The following ADGB variants were observed in gnomAD, a reference collection of about 807,000 sequenced individuals.
The protein encoded by ADGB is calpain-7-like protein.
A neutral mutation model predicts 210.5 loss-of-function variants in ADGB; 172 were observed. The ratio of observed to expected loss-of-function variants is 0.82; its 90% CI spans 0.72 to 0.93. The LOEUF (loss-of-function observed/expected upper bound fraction) is 0.93, where lower values mean the gene tolerates loss of function less well. Among genes scored for constraint, ADGB ranks in the 40% least tolerant of loss-of-function variants. The probability of loss-of-function intolerance (pLI) is 0.00; values close to 1 mark genes in which losing one functional copy is unlikely to be tolerated. For synonymous variants in ADGB, 658 were observed against 662.7 expected (o/e 0.99, Z 0.11); for missense variants, 2,025 against 1,964.8 (o/e 1.03, Z -0.58).
intron 9 of ADGB, 90 bp from the exon 10 acceptor site, chr6:146,685,644 T>C (rs1776221550): frequency 1.7e-6 from 1 of 587,478 alleles, no homozygotes; most frequent in Admixed American, 4.2e-5. Flanking sequence ...GAAGATAAAT[T>C]CATTAAGGCA....
chr6:146,664,390 A>T, intron 6 of ADGB, 50 bp downstream of exon 6: 1 of 1,496,382 alleles, frequency 6.7e-7, no homozygotes, highest in East Asian at 2.5e-5. Context: ...AAACAAAAAC[A>T]TTAACTATAC....
chr6:146,717,086 G>A lies in ADGB; in HGVS notation c.1928+17G>A, dbSNP rs1204632526. On this transcript the variant is annotated intron_variant, in intron 15 of 35. Coordinates refer to ENST00000397944, the MANE Select transcript of ADGB (RefSeq NM_024694.4). ...ATGCTTTCAGTAAGTATACCAATGGGATCAATCTGACTATGTCGTAGTGGT... is the reference window on the plus strand; with the variant it reads ...ATGCTTTCAGTAAGTATACCAATGGAATCAATCTGACTATGTCGTAGTGGT... 6.5e-7 allele frequency: 1 copy of A among 1,538,416 alleles called. No homozygotes were observed.
intron 4 of ADGB, among the ~76,000 whole-genome samples, chr6:146,654,530 T>G (rs1583576480): frequency 6.6e-6 from 1 of 152,036 alleles, no homozygotes. Flanking sequence ...TTTTAAATTT[T>G]TTGGTAGAGA....
At chr6:146,686,854 T>C (rs1224378750) in intron 10 of ADGB, among the ~76,000 whole-genome samples, 3 of 152,126 alleles carry the variant, frequency 2.0e-5, no homozygotes, top group Non-Finnish European at 4.4e-5. Context: ...TGAATGTTCA[T>C]TTAGTTAGCT....
chr6:146,750,049 G>A (rs60942367), intron 26 of ADGB, among the ~76,000 whole-genome samples: 12,810 of 152,116 alleles, frequency 0.084, 1,778 homozygotes, highest in African/African-American at 0.29. Context: ...GAGTAGGCAC[G>A]TGGAAGGTGG....
intron 35 of ADGB, among the ~76,000 whole-genome samples, chr6:146,811,911 T>C (rs1379903263): frequency 6.6e-6 from 1 of 152,160 alleles, no homozygotes; most frequent in Non-Finnish European, 1.5e-5. Context: ...CCTGACCTCA[T>C]GATCCGCCTG....
chr6:146,644,835 G>A lies in ADGB; in HGVS notation c.300G>A (p.Trp100Ter). The change falls in exon 3 of 36, where the codon TGG becomes TGA. Residue 100 changes from tryptophan to a stop codon, truncating the protein, a stop_gained. Transcript: ENST00000397944. LOFTEE classifies it high-confidence loss of function. ...CACCATCCTTGAAAATTTATTCCTGGAAACGTCCACAAGATATTTTATTTA... is the reference window on the plus strand; with the variant it reads ...CACCATCCTTGAAAATTTATTCCTGAAAACGTCCACAAGATATTTTATTTA... ...ELPPSLKIYSWKRPQDILFSQ... is the reference protein window; with the variant it reads ...ELPPSLKIYS 6.7e-7 allele frequency: 1 copy of A among 1,489,888 alleles called. No individual in the cohort carries two copies. The allele number at this position is 1,489,888 out of a possible 1,614,324, so 92.3% of individuals were successfully genotyped here.
intron 25 of ADGB, among the ~76,000 whole-genome samples, chr6:146,741,812 T>C (rs978087762): frequency 6.6e-6 from 1 of 152,200 alleles, no homozygotes; most frequent in African/African-American, 2.4e-5. Flanking sequence ...ACCACATTGC[T>C]TCTCTGTTTA....
intron 1 of ADGB, among the ~76,000 whole-genome samples, chr6:146,616,403 A>T (rs1364615182): frequency 3.3e-5 from 5 of 151,476 alleles, no homozygotes; most frequent in African/African-American, 1.2e-4. Flanking sequence ...GTTTTCTTGT[A>T]CTGTGCAGCA....
intron 8 of ADGB, among the ~76,000 whole-genome samples, chr6:146,675,608 T>C (rs1401421729): frequency 6.6e-6 from 1 of 152,170 alleles, no homozygotes; most frequent in Non-Finnish European, 1.5e-5. Flanking sequence ...ATTACAAACT[T>C]AGCAGATGAT....
intron 26 of ADGB, among the ~76,000 whole-genome samples, chr6:146,747,450 T>G (rs1284567928): frequency 2.0e-5 from 3 of 152,034 alleles, no homozygotes; most frequent in Non-Finnish European, 2.9e-5. Context: ...TCAAGCTGAG[T>G]GGTGAGGAAG....
intron 1 of ADGB, among the ~76,000 whole-genome samples, chr6:146,630,482 A>C (rs1175499055): frequency 1.3e-5 from 2 of 151,714 alleles, no homozygotes; most frequent in Admixed American, 6.6e-5. Flanking sequence ...TTGAGGTAGG[A>C]GCATCATTTG....
At chr6:146,730,591 T>C (rs910543536) in intron 20 of ADGB, among the ~76,000 whole-genome samples, 2 of 152,188 alleles carry the variant, frequency 1.3e-5, no homozygotes, top group African/African-American at 4.8e-5. Context: ...TACCTACCAA[T>C]GGTAGTCTCC....
At chr6:146,669,655 G>T (rs1775980053) in intron 7 of ADGB, among the ~76,000 whole-genome samples, 1 of 151,992 alleles carries the variant, frequency 6.6e-6, no homozygotes, top group African/African-American at 2.4e-5. Context: ...TCTTTCTCAG[G>T]CTTCTTGGAT....
chr6:146,701,554 G>A (rs982466364), intron 13 of ADGB, among the ~76,000 whole-genome samples: 1 of 151,926 alleles, frequency 6.6e-6, no homozygotes, highest in Non-Finnish European at 1.5e-5. Flanking sequence ...ACTATTGTAA[G>A]CAACGGTACC....
chr6:146,730,189 A>C (rs1775861752), intron 20 of ADGB, among the ~76,000 whole-genome samples: 3 of 152,302 alleles, frequency 2.0e-5, no homozygotes, highest in African/African-American at 7.2e-5. Flanking sequence ...TCCATTATTC[A>C]AACTTGACTG....
intron 1 of ADGB, among the ~76,000 whole-genome samples, chr6:146,608,026 C>T (rs1257891876): frequency 6.6e-6 from 1 of 152,078 alleles, no homozygotes; most frequent in Non-Finnish European, 1.5e-5. Flanking sequence ...CCATCTGGTC[C>T]AGAGTTTTTT....
intron 19 of ADGB, among the ~76,000 whole-genome samples, 154 bp from the exon 20 acceptor site, chr6:146,728,420 A>T (rs969710599): frequency 6.6e-6 from 1 of 152,204 alleles, no homozygotes; most frequent in East Asian, 1.9e-4. Flanking sequence ...TTCTGAGACT[A>T]CAGAATTTAG....
chr6:146,736,521 G>A lies in ADGB; in HGVS notation c.2818G>A (p.Ala940Thr), dbSNP rs1433479850. ...IPDTKENISV[A>T]DTLQKVWAVL... ...AGACACAAAAGAAAATATCAGTGTT[G>A]CAGATACTCTTCAAAAAGTTTGGGC... The change falls in exon 23 of 36, where the codon GCA becomes ACA. Residue 940 changes from alanine to threonine, a missense_variant. Transcript: ENST00000397944. The A allele has an allele frequency of 1.9e-6, 3 of 1,546,490 alleles. No individual in the cohort carries two copies. Among genetic ancestry groups the A allele is most frequent in the Non-Finnish European group, 2.6e-6 (3 of 1,143,976 alleles).
Sources: allele counts gnomAD v4.1 joint callset (sites outside exome capture counted in the v4.1 genomes callset), GRCh38; gene constraint gnomAD v4.1.1; transcripts MANE v1.5; gene names NCBI Gene and HGNC (gene_info 2026-07-23, HGNC 2026-07-21).